CDKL5: variants seen among roughly 807,000 people sequenced by gnomAD.
CDKL5 encodes the protein cyclin dependent kinase like 5, also known as cyclin-dependent kinase-like 5.
Under a neutral mutation model 61.7 loss-of-function variants are expected in CDKL5, and 8 were observed. That is an observed-to-expected ratio of 0.13 (90% confidence interval 0.08 to 0.23). The LOEUF is 0.23. Among genes scored for constraint, CDKL5 ranks in the 10% least tolerant of loss-of-function variants. The probability of loss-of-function intolerance (pLI) is 1.00; values close to 1 mark genes in which losing one functional copy is unlikely to be tolerated. For synonymous variants in CDKL5, 275 were observed against 272.3 expected, an observed-to-expected ratio of 1.01 and a Z score of -0.10; for missense variants, 440 against 734.5, an observed-to-expected ratio of 0.60 and a Z score of 4.63.
At chrX:18,491,733 A>C (rs1217034825) in intron 1 of CDKL5, among the ~76,000 whole-genome samples, 2 of 111,905 alleles carry the variant, frequency 1.8e-5, no homozygotes, top group Non-Finnish European at 3.8e-5. Context: ...GATACGTGAT[A>C]TTTAATTAAA....
In CDKL5 at chrX:18,631,871, T is replaced by G; in HGVS notation, c.*3114T>G. 1.3e-6 allele frequency: 1 copy of G among 753,937 alleles called. No homozygotes were observed. The highest frequency in any genetic ancestry group is 1.6e-6 in the Non-Finnish European group (1 of 638,782). 62.1% of individuals were successfully genotyped at this position (753,937 alleles called of 1,213,427 possible). On this transcript the variant is annotated 3_prime_UTR_variant, in exon 18 of 18. Coordinates refer to ENST00000623535, the MANE Select transcript of CDKL5 (RefSeq NM_001323289.2). ...TTCATGCTGAGGGGCTCAAGTGAGC[T>G]GACTCTACAACTGTGGTTCTCAACT...
Position 18,629,878 on chromosome X carries a change from T to A in CDKL5, c.*1121T>A. 1.3e-6 allele frequency: 1 copy of A among 754,086 alleles called. No homozygotes were observed. The highest frequency in any genetic ancestry group is 1.6e-6 in the Non-Finnish European group (1 of 639,125). The allele number at this position is 754,086 out of a possible 1,213,427, so 62.1% of individuals were successfully genotyped here. ...AATGTGCTCTTCCACTTAGCATTAG[T>A]GTAGAGCGTAGACCAAAGATTTGCC... On this transcript the variant is annotated 3_prime_UTR_variant, in exon 18 of 18. Coordinates refer to ENST00000623535, the MANE Select transcript of CDKL5 (RefSeq NM_001323289.2).
intron 1 of CDKL5, among the ~76,000 whole-genome samples, chrX:18,458,802 A>C (rs1232965554): frequency 8.9e-6 from 1 of 112,832 alleles, no homozygotes; most frequent in Non-Finnish European, 1.9e-5. Context: ...GCCACATTTG[A>C]CTAGTGGCTA....
intron 1 of CDKL5, among the ~76,000 whole-genome samples, chrX:18,495,951 G>A (rs1922154689): frequency 8.9e-6 from 1 of 112,245 alleles, no homozygotes; most frequent in Admixed American, 9.5e-5. Context: ...CATGAGAGCA[G>A]GAGCATGGTC....
At chrX:18,602,723 A>T (rs1926218072) in intron 11 of CDKL5, among the ~76,000 whole-genome samples, 1 of 111,140 alleles carries the variant, frequency 9.0e-6, no homozygotes, top group Non-Finnish European at 1.9e-5. Flanking sequence ...ATGGCTGAGC[A>T]TGCAGGTTCT....
intron 1 of CDKL5, among the ~76,000 whole-genome samples, chrX:18,430,429 T>C (rs1404294480): frequency 9.0e-6 from 1 of 111,578 alleles, no homozygotes; most frequent in Non-Finnish European, 1.9e-5. Context: ...GTAAAGTCTA[T>C]AGAGATATAT....
rs1602247046 is a variant in CDKL5 at position 18,536,378 on chromosome X, T to G, written c.99+25524T>G. ...ATTTTTAGCTTTATTGCATGCAATG[T>G]AGACCTAGTTCATCATATTACAAGT... On this transcript the variant is annotated intron_variant, in intron 3 of 17. Coordinates refer to ENST00000623535, the MANE Select transcript of CDKL5 (RefSeq NM_001323289.2). Among the ~76,000 whole-genome samples the G allele has an allele frequency of 2.8e-5, 3 of 107,990 alleles. No individual in the cohort carries two copies. The Admixed American group carries it at 3.0e-4, about 11-fold the overall frequency. 93.8% of individuals were successfully genotyped at this position (107,990 alleles called of 115,157 possible).
rs908069634 is a variant in CDKL5 at position 18,632,158 on chromosome X, G to T, written c.*3401G>T. Reference sequence around the variant, plus strand: ...CAGAGCTTGGCTCTGGCCTTGTTCTGTCCAGGCTACAGTACTGCAGGTGTG... The same window carrying T: ...CAGAGCTTGGCTCTGGCCTTGTTCTTTCCAGGCTACAGTACTGCAGGTGTG... On this transcript the variant is annotated 3_prime_UTR_variant, in exon 18 of 18. Coordinates refer to ENST00000623535, the MANE Select transcript of CDKL5 (RefSeq NM_001323289.2). The T allele has an allele frequency of 1.7e-5, 13 of 752,633 alleles. No individual in the cohort carries two copies. Among genetic ancestry groups the T allele is most frequent in the Admixed American group, 8.8e-5 (1 of 11,424 alleles). 62.0% of individuals were successfully genotyped at this position (752,633 alleles called of 1,213,427 possible).
At chrX:18,428,568 G>C (rs1319595379) in intron 1 of CDKL5, among the ~76,000 whole-genome samples, 2 of 111,318 alleles carry the variant, frequency 1.8e-5, no homozygotes, top group Non-Finnish European at 3.8e-5. Context: ...GAGGCTTTTA[G>C]GAATAATTAA....
intron 21 of CDKL5, among the ~76,000 whole-genome samples, chrX:18,651,260 TGTGTGAGAGA>T (rs1928027522): frequency 2.5e-5 from 2 of 81,590 alleles, no homozygotes; most frequent in African/African-American, 4.5e-5. Context: ...TGTGTGTGTG[TGTGTGAGAGA>T]GAGAGAGAGA....
chrX:18,599,870 G>A (rs1330248837), intron 11 of CDKL5, among the ~76,000 whole-genome samples: 3 of 111,552 alleles, frequency 2.7e-5, no homozygotes, highest in African/African-American at 6.5e-5. Flanking sequence ...TGTCTTGCTC[G>A]ATTGCTCAGG....
At chrX:18,433,324 A>C (rs774765663) in intron 1 of CDKL5, among the ~76,000 whole-genome samples, 96 of 109,672 alleles carry the variant, frequency 8.8e-4, no homozygotes, top group African/African-American at 3.1e-3. Context: ...AGGCCGAGGC[A>C]GGCGGATCAC....
chrX:18,430,976 C>T (rs763940364), intron 1 of CDKL5, among the ~76,000 whole-genome samples: 1 of 109,778 alleles, frequency 9.1e-6, no homozygotes, highest in Non-Finnish European at 1.9e-5. Context: ...ATTCTCTTGC[C>T]TTAGCCTCCT....
At chrX:18,581,573 A>G (rs1399109191) in intron 6 of CDKL5, among the ~76,000 whole-genome samples, 2 of 111,631 alleles carry the variant, frequency 1.8e-5, no homozygotes, top group Non-Finnish European at 3.8e-5. Context: ...GTATTTTATG[A>G]AGTAATAATA....
intron 4 of CDKL5, among the ~76,000 whole-genome samples, chrX:18,569,725 C>T (rs998443246): frequency 1.8e-5 from 2 of 111,468 alleles, no homozygotes; most frequent in Non-Finnish European, 3.8e-5. Flanking sequence ...TTTTGACATA[C>T]ATTTGGACCT....
intron 1 of CDKL5, among the ~76,000 whole-genome samples, chrX:18,490,650 TTC>T (rs1015258172): frequency 8.9e-6 from 1 of 111,794 alleles, no homozygotes; most frequent in African/African-American, 3.2e-5. Context: ...AATCTATCTT[TTC>T]TTTTTTAAAT....
intron 20 of CDKL5, chrX:18,647,157 A>G (rs763658955): frequency 8.3e-7 from 1 of 1,206,876 alleles, no homozygotes; most frequent in Non-Finnish European, 1.1e-6. Context: ...TTTTTTTAAA[A>G]GCACATGAAA....
At chrX:18,506,383 A>G (rs1922580099) in intron 1 of CDKL5, among the ~76,000 whole-genome samples, 1 of 110,845 alleles carries the variant, frequency 9.0e-6, no homozygotes, top group East Asian at 2.8e-4. Context: ...GTGCACATTT[A>G]CACAAACACC....
At chrX:18,605,666 AT>A (rs1343648333) in intron 12 of CDKL5, among the ~76,000 whole-genome samples, 1 of 112,790 alleles carries the variant, frequency 8.9e-6, no homozygotes, top group Non-Finnish European at 1.9e-5. Context: ...AAATAATGTT[AT>A]CATGATTTCA....
Sources: allele counts gnomAD v4.1 joint callset (sites outside exome capture counted in the v4.1 genomes callset), GRCh38; gene constraint gnomAD v4.1.1; transcripts MANE v1.5; gene names NCBI Gene and HGNC (gene_info 2026-07-23, HGNC 2026-07-21).